The following ARHGEF9 variants were observed in gnomAD, a reference collection of about 807,000 sequenced individuals.
ARHGEF9 encodes rho guanine nucleotide exchange factor 9.
A neutral mutation model predicts 41.3 loss-of-function variants in ARHGEF9; 2 were observed. The observed-to-expected ratio is 0.05, with a 90% confidence interval of 0.02 to 0.15. The LOEUF (loss-of-function observed/expected upper bound fraction) is 0.15, where lower values mean the gene tolerates loss of function less well. ARHGEF9 is among the 10% of genes least tolerant of loss of function. The pLI is 1.00. For synonymous variants in ARHGEF9, 160 were observed against 154.4 expected, an observed-to-expected ratio of 1.04 and a Z score of -0.27; for missense variants, 225 against 424.7, an observed-to-expected ratio of 0.53 and a Z score of 4.13.
chrX:63,702,431 C>T (rs1272277252), intron 3 of ARHGEF9, among the ~76,000 whole-genome samples: 26 of 112,039 alleles, frequency 2.3e-4, no homozygotes, highest in African/African-American at 7.5e-4. Flanking sequence ...CTGCAGAGAA[C>T]TCATTTGAAA....
intron 2 of ARHGEF9, among the ~76,000 whole-genome samples, chrX:63,720,343 T>C (rs1235236606): frequency 2.7e-5 from 3 of 111,518 alleles, no homozygotes; most frequent in South Asian, 3.8e-4. Flanking sequence ...CTTGCAAAAA[T>C]AGTTGGAAAA....
At chrX:63,729,385 C>A (rs1218958782) in intron 1 of ARHGEF9, among the ~76,000 whole-genome samples, 2 of 111,429 alleles carry the variant, frequency 1.8e-5, no homozygotes, top group Non-Finnish European at 3.8e-5. Flanking sequence ...ATAAATAAAA[C>A]TAAAAGAAGC....
At chrX:63,765,015 G>C (rs1556451116) in intron 1 of ARHGEF9, among the ~76,000 whole-genome samples, 1 of 111,670 alleles carries the variant, frequency 9.0e-6, no homozygotes, top group Non-Finnish European at 1.9e-5. Flanking sequence ...AGTAGAAAAA[G>C]GTGAGGTACT....
At chrX:63,659,336 C>T (rs1478248396) in intron 7 of ARHGEF9, among the ~76,000 whole-genome samples, 5 of 112,106 alleles carry the variant, frequency 4.5e-5, no homozygotes, top group Admixed American at 9.5e-5. Context: ...CACAGGGACA[C>T]GGTGAGCAGG....
intron 6 of ARHGEF9, among the ~76,000 whole-genome samples, chrX:63,668,254 C>T (rs1185129306): frequency 1.4e-4 from 16 of 110,755 alleles, no homozygotes; most frequent in Admixed American, 1.3e-3. Context: ...GTGTCTCAGC[C>T]TCCCAAGTAG....
At chrX:63,758,197 G>C (rs1248360499) in intron 1 of ARHGEF9, among the ~76,000 whole-genome samples, 6 of 106,946 alleles carry the variant, frequency 5.6e-5, no homozygotes, top group Non-Finnish European at 1.2e-4. Flanking sequence ...GATGGTTAGA[G>C]CTGTGGCAGC....
intron 1 of ARHGEF9, among the ~76,000 whole-genome samples, chrX:63,727,807 T>C (rs2054060758): frequency 8.9e-6 from 1 of 112,227 alleles, no homozygotes; most frequent in African/African-American, 3.2e-5. Context: ...AAGGAAAAAC[T>C]ATTACTATTC....
chrX:63,733,703 C>T (rs1602619317), intron 1 of ARHGEF9, among the ~76,000 whole-genome samples: 1 of 111,948 alleles, frequency 8.9e-6, no homozygotes, highest in Admixed American at 9.5e-5. Flanking sequence ...TTCAATATCC[C>T]ATTATACTAT....
At position 63,689,511 on chromosome X, in the gene ARHGEF9, A is replaced by G. The variant is rs1387488581; in HGVS notation, c.582+7614T>C. 2.7e-5 allele frequency among the ~76,000 whole-genome samples: 3 copies of G among 112,304 alleles called. No individual in the cohort carries two copies. The Middle Eastern group carries it at 0.014, about 530-fold the overall frequency. On this transcript the variant is annotated intron_variant, in intron 4 of 9. Coordinates refer to ENST00000671741, the MANE Select transcript of ARHGEF9 (RefSeq NM_001353921.2). The stretch of plus-strand genomic sequence containing the variant: ...CCAAATATACACAACAAATATTAGT[A>G]GATTTAAACAGAGAGACAGACTACA...
At chrX:63,671,188 C>A (rs2049935854) in intron 6 of ARHGEF9, 2 of 112,382 alleles carry the variant, frequency 1.8e-5, no homozygotes, top group South Asian at 7.4e-4. Context: ...GCATCTTTTT[C>A]TTGATTTGCA....
At chrX:63,784,948 G>A (rs188432322) in intron 1 of ARHGEF9, among the ~76,000 whole-genome samples, 168 bp downstream of exon 1, 2 of 111,389 alleles carry the variant, frequency 1.8e-5, no homozygotes, top group African/African-American at 3.3e-5. Flanking sequence ...AGGCTAGCAG[G>A]GACTCCTAAA....
At chrX:63,676,814 A>C (rs1556362753) in intron 5 of ARHGEF9, among the ~76,000 whole-genome samples, 1 of 112,566 alleles carries the variant, frequency 8.9e-6, no homozygotes, top group Non-Finnish European at 1.9e-5. Context: ...AAATTAAGTA[A>C]AATTTAAAAT....
intron 7 of ARHGEF9, among the ~76,000 whole-genome samples, chrX:63,663,141 C>A (rs139113137): frequency 0.051 from 5,658 of 111,324 alleles, 157 homozygotes; most frequent in South Asian, 0.084. Context: ...GGCTTCAATT[C>A]CCTTTGAAAC....
At chrX:63,691,865 C>T (rs1463163036) in intron 4 of ARHGEF9, among the ~76,000 whole-genome samples, 1 of 111,185 alleles carries the variant, frequency 9.0e-6, no homozygotes, top group Admixed American at 9.6e-5. Flanking sequence ...GACACATAGA[C>T]CAATTGAACA....
chrX:63,753,976 A>G (rs1366521332), intron 1 of ARHGEF9, among the ~76,000 whole-genome samples: 12 of 111,828 alleles, frequency 1.1e-4, no homozygotes, highest in Non-Finnish European at 2.1e-4. Context: ...TCAAATATTC[A>G]TCATGCTCTT....
chrX:63,639,527 T>A (rs2047492995), intron 9 of ARHGEF9: 1 of 111,989 alleles, frequency 8.9e-6, no homozygotes, highest in South Asian at 3.7e-4. Context: ...ATTGACATTA[T>A]AACAGGATAC....
intron 1 of ARHGEF9, among the ~76,000 whole-genome samples, chrX:63,779,385 C>T (rs1248280095): frequency 8.9e-6 from 1 of 112,237 alleles, no homozygotes; most frequent in Non-Finnish European, 1.9e-5. Context: ...AGGAGGAGCA[C>T]AGGCACATCT....
intron 9 of ARHGEF9, 109 bp from the exon 10 acceptor site, chrX:63,638,318 G>C (rs1602146112): frequency 2.8e-6 from 2 of 718,346 alleles, no homozygotes; most frequent in East Asian, 3.5e-5. Flanking sequence ...GACTGGTTTA[G>C]AGAGTGTGAA....
intron 1 of ARHGEF9, among the ~76,000 whole-genome samples, chrX:63,733,708 T>C (rs1296985580): frequency 1.8e-5 from 2 of 112,288 alleles, no homozygotes; most frequent in Non-Finnish European, 1.9e-5. Context: ...TATCCCATTA[T>C]ACTATCCAGT....
Sources: allele counts gnomAD v4.1 joint callset (sites outside exome capture counted in the v4.1 genomes callset), GRCh38; gene constraint gnomAD v4.1.1; transcripts MANE v1.5; gene names NCBI Gene and HGNC (gene_info 2026-07-23, HGNC 2026-07-21).